DNAH9: variants seen among roughly 807,000 people sequenced by gnomAD.
DNAH9 encodes the protein dynein axonemal heavy chain 9, also known as DNAH9 variant protein.
In DNAH9, 345 loss-of-function variants were observed where a neutral mutation model predicts 471.6. The ratio of observed to expected loss-of-function variants is 0.73; its 90% CI spans 0.67 to 0.80. DNAH9 has a LOEUF of 0.80. Among genes scored for constraint, DNAH9 ranks in the 30% least tolerant of loss-of-function variants. The pLI is 0.00. For missense variants in DNAH9, 5,407 were observed against 5,609.2 expected, an observed-to-expected ratio of 0.96 and a Z score of 1.15; for synonymous variants, 2,093 against 2,123.6, an observed-to-expected ratio of 0.99 and a Z score of 0.40.
At chr17:11,842,790 G>A (rs1971075718) in intron 49 of DNAH9, among the ~76,000 whole-genome samples, 1 of 152,136 alleles carries the variant, frequency 6.6e-6, no homozygotes, top group African/African-American at 2.4e-5. Context: ...ATTAAACGGT[G>A]CCCACCCAAA....
Position 11,598,742 on chromosome 17 carries a change from G to A in DNAH9, c.244G>A (p.Ala82Thr). Residue 82 changes from alanine (A) to threonine (T), a missense_variant, in exon 1 of 69, where the codon GCA (alanine) becomes ACA (threonine). Physicochemically the swap from Ala to Thr is moderately conservative, Grantham distance 58 (BLOSUM62 0). Coordinates refer to ENST00000262442, the MANE Select transcript of DNAH9 (RefSeq NM_001372.4). ...GGTGCGGCCCGGGCCCAGGGGCCTG[G>A]CAATACGCCCCGGGCTGGAGGTGGG... ...LVVRPGPRGL[A>T]IRPGLEVGPE... 1 of 1,414,486 alleles carries A rather than the reference G, an allele frequency of 7.1e-7. No individual in the cohort carries two copies. Among genetic ancestry groups the A allele is most frequent in the Non-Finnish European group, 9.2e-7 (1 of 1,091,588 alleles). The allele number at this position is 1,414,486 out of a possible 1,614,324, so 87.6% of individuals were successfully genotyped here. A position where few individuals can be genotyped will look rare whatever the true frequency, so the allele number is the denominator to read the frequency against.
chr17:11,876,579 C>G (rs1431175671), intron 53 of DNAH9, among the ~76,000 whole-genome samples: 1 of 152,146 alleles, frequency 6.6e-6, no homozygotes, highest in African/African-American at 2.4e-5. Context: ...GGTATGATTC[C>G]TCTCATCCAA....
At chr17:11,799,586 T>C (rs1444251999) in intron 43 of DNAH9, among the ~76,000 whole-genome samples, 1 of 152,050 alleles carries the variant, frequency 6.6e-6, no homozygotes, top group Non-Finnish European at 1.5e-5. Flanking sequence ...GCACTGTCTT[T>C]TTTTGTTGTT....
At position 11,629,495 on chromosome 17, in the gene DNAH9, C is replaced by T; in HGVS notation, c.1429C>T (p.Gln477Ter). ...CGGCGTCAGAGGGAATGCTCTGAGT[C>T]AGCAGGTCCAGCAAATGCATGAAGA... ...FSGVRGNALSQQVQQMHEEFQ... is the reference protein window; with the variant it reads ...FSGVRGNALS The change falls in exon 7 of 69, where the codon CAG (glutamine) becomes TAG (stop). Residue 477 changes from glutamine to a stop codon, truncating the protein, a stop_gained. Transcript: ENST00000262442. LOFTEE classifies it high-confidence loss of function. 6.2e-7 allele frequency: 1 copy of T among 1,614,068 alleles called. No individual in the cohort carries two copies. Among genetic ancestry groups the T allele is most frequent in the East Asian group, 2.2e-5 (1 of 44,878 alleles).
chr17:11,659,664 C>A, intron 14 of DNAH9, among the ~76,000 whole-genome samples: 1 of 152,216 alleles, frequency 6.6e-6, no homozygotes, highest in East Asian at 1.9e-4. Flanking sequence ...GTCACAGCTA[C>A]GCTTGATGCA....
At position 11,652,843 on chromosome 17, in the gene DNAH9, A is replaced by G. The variant is rs778953418; in HGVS notation, c.2436A>G (p.Glu812=). ...QRIQKTKDNV[E]EIQNIMKTWV... Reference sequence around the variant, plus strand: ...TTCAGAAAACTAAAGACAATGTGGAAGAGATCCAAAACATCATGAAAACAT... The same window carrying G: ...TTCAGAAAACTAAAGACAATGTGGAGGAGATCCAAAACATCATGAAAACAT... Residue 812 remains glutamate (E), a synonymous_variant, in exon 14 of 69, where the codon GAA becomes GAG. Transcript: ENST00000262442. 4 of 1,614,006 alleles carry G rather than the reference A, an allele frequency of 2.5e-6. No individual in the cohort carries two copies. The highest frequency in any genetic ancestry group is 3.4e-6 in the Non-Finnish European group (4 of 1,179,856).
At chr17:11,643,281 C>T (rs893212876) in intron 10 of DNAH9, among the ~76,000 whole-genome samples, 4 of 152,122 alleles carry the variant, frequency 2.6e-5, no homozygotes, top group South Asian at 2.1e-4. Flanking sequence ...GTTATATGTA[C>T]GTCCATGTGC....
intron 49 of DNAH9, among the ~76,000 whole-genome samples, chr17:11,842,525 G>A (rs1317045077): frequency 3.9e-5 from 6 of 152,192 alleles, no homozygotes; most frequent in Admixed American, 3.9e-4. Flanking sequence ...AAGGAAGCCA[G>A]TCCGGGTCCC....
chr17:11,923,824 T>C lies in DNAH9; in HGVS notation c.11760T>C (p.Leu3920=). 3 of 1,613,824 alleles carry C rather than the reference T, an allele frequency of 1.9e-6. No homozygotes were observed. The highest frequency in any genetic ancestry group is 2.5e-6 in the Non-Finnish European group (3 of 1,179,872). ...LKDVESQGRK[L]GYTFNNQNFH... ...CCATCCTCCTTTTAGGAAGAAAACT[T>C]GGATACACCTTCAACAATCAGAACT... The change falls in exon 62 of 69, where the codon CTT becomes CTC. Residue 3920 remains leucine (L), a synonymous_variant. Coordinates refer to ENST00000262442, the MANE Select transcript of DNAH9 (RefSeq NM_001372.4).
At position 11,937,317 on chromosome 17, in the gene DNAH9, GTTTCTT is replaced by G. The variant is rs769434668; in HGVS notation, c.12490-31_12490-26del. The G allele has an allele frequency of 1.2e-5, 19 of 1,577,680 alleles. No individual in the cohort carries two copies. The Admixed American group carries it at 3.4e-4, about 28-fold the overall frequency. ...TGTGGGAGATGGGAGGTACGTCCTG[GTTTCTT>G]TTTAAGTGAGCTTGCCCTTGATTTT... On this transcript the variant is annotated intron_variant, in intron 65 of 68. Coordinates refer to ENST00000262442, the MANE Select transcript of DNAH9 (RefSeq NM_001372.4). The surrounding 1 kb of genome is among the most constrained non-coding windows in gnomAD (Gnocchi z 4.1).
At chr17:11,840,707 G>A (rs115103898) in intron 49 of DNAH9, among the ~76,000 whole-genome samples, 1 of 152,114 alleles carries the variant, frequency 6.6e-6, no homozygotes, top group Non-Finnish European at 1.5e-5. Context: ...TAATCACAAG[G>A]GTCCATAGAA....
At chr17:11,774,048 A>G (rs570112721) in intron 38 of DNAH9, among the ~76,000 whole-genome samples, 2 of 152,294 alleles carry the variant, frequency 1.3e-5, no homozygotes, top group African/African-American at 4.8e-5. Context: ...AGGCAGGAGA[A>G]TCGCTTAAAC....
intron 43 of DNAH9, among the ~76,000 whole-genome samples, chr17:11,802,730 C>T (rs946892484): frequency 2.6e-5 from 4 of 151,688 alleles, no homozygotes; most frequent in African/African-American, 9.7e-5. Context: ...CTCACAGGTC[C>T]AGGGATCCAA....
chr17:11,743,964 G>A (rs2075474140), intron 30 of DNAH9, among the ~76,000 whole-genome samples: 1 of 151,786 alleles, frequency 6.6e-6, no homozygotes, highest in South Asian at 2.1e-4. Flanking sequence ...TGAGTAGCTG[G>A]GATAACAGGC....
chr17:11,706,630 A>C (rs1431831583), intron 26 of DNAH9, among the ~76,000 whole-genome samples: 2 of 152,172 alleles, frequency 1.3e-5, no homozygotes, highest in Non-Finnish European at 2.9e-5. Context: ...ATGGTATTTG[A>C]CCTGGAGCGT....
At chr17:11,664,274 AGAGAGAGAGAGAGAGT>A (rs1332497293) in intron 14 of DNAH9, among the ~76,000 whole-genome samples, 40 of 150,254 alleles carry the variant, frequency 2.7e-4, no homozygotes, top group Non-Finnish European at 3.0e-5. Flanking sequence ...GAAGGAGGGG[AGAGAGAGAGAGAGAGT>A]GAGAGAGAGA....
chr17:11,735,481 G>T (rs2075331372), intron 28 of DNAH9, among the ~76,000 whole-genome samples: 1 of 152,082 alleles, frequency 6.6e-6, no homozygotes, highest in African/African-American at 2.4e-5. Context: ...TGTCACGCAG[G>T]CTGGAGTGCA....
At chr17:11,704,582 CTTTTTT>C in intron 25 of DNAH9, 140 bp downstream of exon 25, 9 of 527,042 alleles carry the variant, frequency 1.7e-5, no homozygotes, top group Non-Finnish European at 2.6e-5. Flanking sequence ...GCTGCTCCTA[CTTTTTT>C]TTTTTTTTTT....
At chr17:11,645,879 C>CTTTTT (rs760279719) in intron 11 of DNAH9, among the ~76,000 whole-genome samples, 18 of 70,640 alleles carry the variant, frequency 2.5e-4, no homozygotes, top group East Asian at 1.0e-3. Context: ...TTTTCTTTTT[C>CTTTTT]TTTTTTTTTT....
Sources: gnomAD v4.1 joint callset for allele counts (sites outside exome capture counted in the v4.1 genomes callset) on GRCh38, gnomAD v4.1.1 for gene constraint, Gnocchi (gnomAD v3.1) non-coding constraint, MANE v1.5 for transcripts, NCBI Gene and HGNC (gene_info 2026-07-23, HGNC 2026-07-21) for gene names.